The following VPS54 variants were observed in gnomAD, a reference collection of about 807,000 sequenced individuals.
VPS54 encodes the protein vacuolar protein sorting-associated protein 54.
In VPS54, 45 loss-of-function variants were observed where a neutral mutation model predicts 121.5. The observed-to-expected ratio is 0.37, with a 90% CI of 0.29 to 0.47. The LOEUF (loss-of-function observed/expected upper bound fraction) is 0.47. Among genes scored for constraint, VPS54 ranks in the 20% least tolerant of loss-of-function variants. The pLI is 0.99. For synonymous variants in VPS54, 371 were observed against 385.8 expected (o/e 0.96, Z 0.45); for missense variants, 1,090 against 1,131.4 (o/e 0.96, Z 0.52).
At chr2:63,911,980 G>C (rs545060176) in intron 20 of VPS54, among the ~76,000 whole-genome samples, 2 of 152,130 alleles carry the variant, frequency 1.3e-5, no homozygotes, top group Non-Finnish European at 2.9e-5. Context: ...AACAAGAAAT[G>C]AATGTTGAAA....
chr2:63,966,734 T>C (rs1379972991), intron 5 of VPS54, among the ~76,000 whole-genome samples: 1 of 152,202 alleles, frequency 6.6e-6, no homozygotes, highest in East Asian at 1.9e-4. Context: ...AACCCTTCAT[T>C]GTTTTTCTGG....
Position 63,933,699 on chromosome 2 carries a change from A to AGAT in VPS54, c.1710_1712dup (p.Ser571dup), listed in dbSNP as rs1366048455. On this transcript the variant is annotated inframe_insertion, in exon 12 of 23. Transcript: ENST00000272322. ...TAATATCCACACCTCCTGGAATAGCAGATGATGATGTGTGCTCTTTGCTGG... is the reference window on the plus strand; with the variant it reads ...TAATATCCACACCTCCTGGAATAGCAGATGATGATGATGTGTGCTCTTTGCTGG... The AGAT allele has an allele frequency of 1.1e-5, 17 of 1,613,158 alleles. No individual in the cohort carries two copies. Among genetic ancestry groups the AGAT allele is most frequent in the Admixed American group, 8.3e-5 (5 of 59,970 alleles).
At chr2:63,932,866 T>G (rs1376104160) in intron 12 of VPS54, among the ~76,000 whole-genome samples, 2 of 152,176 alleles carry the variant, frequency 1.3e-5, no homozygotes, top group Non-Finnish European at 2.9e-5. Context: ...GTAATATTAA[T>G]AATTTATTGT....
chr2:64,000,694 C>A (rs1677832212), intron 1 of VPS54, among the ~76,000 whole-genome samples: 1 of 152,232 alleles, frequency 6.6e-6, no homozygotes, highest in Admixed American at 6.5e-5. Flanking sequence ...GATTACCAAG[C>A]AGAGATTCTT....
intron 13 of VPS54, 81 bp downstream of exon 13, chr2:63,921,125 G>A: frequency 7.0e-7 from 1 of 1,431,120 alleles, no homozygotes; most frequent in Non-Finnish European, 9.4e-7. Context: ...GCATTATGGG[G>A]AACACAGGAA....
In VPS54 at chr2:63,913,209, G is replaced by T. The variant is rs967447220; in HGVS notation, c.2422+14C>A. The T allele has an allele frequency of 1.2e-6, 2 of 1,602,242 alleles. No individual in the cohort carries two copies. Among genetic ancestry groups the T allele is most frequent in the South Asian group, 1.1e-5 (1 of 89,258 alleles). On this transcript the variant is annotated intron_variant, in intron 18 of 22. Coordinates refer to ENST00000272322, the MANE Select transcript of VPS54 (RefSeq NM_016516.3). Reference sequence around the variant, plus strand: ...TAACACTTCAGCAAGTGAATTAAACGCAAGAATCCATACCCAAATTTTTTG... The same window carrying T: ...TAACACTTCAGCAAGTGAATTAAACTCAAGAATCCATACCCAAATTTTTTG...
chr2:63,916,671 CT>C (rs1299614985), intron 16 of VPS54, among the ~76,000 whole-genome samples: 1 of 152,040 alleles, frequency 6.6e-6, no homozygotes, highest in Non-Finnish European at 1.5e-5. Context: ...AAAAATCAAG[CT>C]TTTTGTGTTA....
chr2:63,913,080 C>A, intron 18 of VPS54, 143 bp downstream of exon 18: 2 of 641,302 alleles, frequency 3.1e-6, no homozygotes, highest in Non-Finnish European at 5.1e-6. Flanking sequence ...GATGAGTATA[C>A]ATAAAAGAGT....
At chr2:63,950,415 C>T (rs1269640354) in intron 7 of VPS54, among the ~76,000 whole-genome samples, 1 of 152,068 alleles carries the variant, frequency 6.6e-6, no homozygotes, top group Non-Finnish European at 1.5e-5. Context: ...GCAAGGAGAT[C>T]ATTTTAATGC....
intron 1 of VPS54, among the ~76,000 whole-genome samples, chr2:64,016,459 T>C (rs971969811): frequency 3.3e-5 from 5 of 152,134 alleles, no homozygotes; most frequent in Non-Finnish European, 7.4e-5. Context: ...GAAAGTAGAC[T>C]AGTGGTTGCC....
intron 12 of VPS54, among the ~76,000 whole-genome samples, chr2:63,923,065 G>C (rs1673719062): frequency 6.6e-6 from 1 of 152,116 alleles, no homozygotes; most frequent in South Asian, 2.1e-4. Flanking sequence ...TGTAATCCCA[G>C]CACTTTGGAA....
chr2:63,898,578 A>G (rs184278570), intron 21 of VPS54, among the ~76,000 whole-genome samples: 1 of 152,154 alleles, frequency 6.6e-6, no homozygotes, highest in Non-Finnish European at 1.5e-5. Context: ...GGCAAGAGAC[A>G]CTAAGAAAGC....
chr2:63,895,640 T>C (rs542191069), intron 22 of VPS54, among the ~76,000 whole-genome samples: 3 of 152,344 alleles, frequency 2.0e-5, no homozygotes, highest in African/African-American at 7.2e-5. Flanking sequence ...TTATGTTATG[T>C]GAATTTCACC....
intron 16 of VPS54, 79 bp from the exon 17 acceptor site, chr2:63,914,366 A>G: frequency 1.1e-6 from 1 of 896,840 alleles, no homozygotes; most frequent in Non-Finnish European, 1.8e-6. Context: ...AAATCAAATT[A>G]CTTAATGGCA....
intron 12 of VPS54, among the ~76,000 whole-genome samples, chr2:63,930,014 A>G (rs1012428716): frequency 6.6e-6 from 1 of 152,206 alleles, no homozygotes; most frequent in African/African-American, 2.4e-5. Flanking sequence ...AATTGAGGCA[A>G]TAATTAATAG....
At chr2:64,015,603 C>G (rs570951524) in intron 1 of VPS54, among the ~76,000 whole-genome samples, 14 of 152,200 alleles carry the variant, frequency 9.2e-5, no homozygotes, top group African/African-American at 3.4e-4. Context: ...CCATTTCCTT[C>G]AGCTATGACA....
chr2:63,913,148 T>A, intron 18 of VPS54, 75 bp downstream of exon 18: 1 of 1,205,180 alleles, frequency 8.3e-7, no homozygotes, highest in Non-Finnish European at 1.2e-6. Flanking sequence ...AAACATGAGG[T>A]ATAAAAAAAC....
chr2:63,982,017 A>AT (rs1676822780), intron 2 of VPS54, 130 bp from the exon 3 acceptor site: 1 of 1,005,346 alleles, frequency 9.9e-7, no homozygotes, highest in Non-Finnish European at 1.4e-6. Context: ...ACAGTAAATG[A>AT]TTTAATAAAA....
At position 63,899,429 on chromosome 2, in the gene VPS54, T is replaced by C. The variant is rs879679223; in HGVS notation, c.2733+45A>G. The C allele has an allele frequency of 3.3e-6, 5 of 1,534,516 alleles. No individual in the cohort carries two copies. The East Asian group carries it at 6.8e-5, about 21-fold the overall frequency. ...AAAACACCCCAATTCTGTACAGATA[T>C]TGTATGTTATATATACATGAATAGT... On this transcript the variant is annotated intron_variant, in intron 21 of 22. Coordinates refer to ENST00000272322, the MANE Select transcript of VPS54 (RefSeq NM_016516.3).
Sources: allele counts gnomAD v4.1 joint callset (sites outside exome capture counted in the v4.1 genomes callset), GRCh38; gene constraint gnomAD v4.1.1; transcripts MANE v1.5; gene names NCBI Gene and HGNC (gene_info 2026-07-23, HGNC 2026-07-21).